The following LDB2 variants were observed in gnomAD, a reference collection of about 807,000 sequenced individuals.
LDB2 encodes the protein LIM domain binding 2, also known as LIM domain-binding protein 2.
In LDB2, 12 loss-of-function variants were observed where a neutral mutation model predicts 44.3. That is an observed-to-expected ratio of 0.27 (90% CI 0.17 to 0.44). LDB2 has a LOEUF of 0.44. LDB2 is among the 20% of genes least tolerant of loss of function. LDB2 has a pLI of 1.00. For synonymous variants in LDB2, 164 were observed against 174.8 expected, an observed-to-expected ratio of 0.94 and a Z score of 0.49; for missense variants, 344 against 473.5, an observed-to-expected ratio of 0.73 and a Z score of 2.54.
rs76720210 is a variant in LDB2 at position 16,796,703 on chromosome 4, A to G, written c.133-37443T>C. 2.0e-3 allele frequency among the ~76,000 whole-genome samples: 305 copies of G among 152,312 alleles called. 5 individuals are homozygous for G. In the East Asian group the frequency reaches 0.04, roughly 20 times the overall value. On this transcript the variant is annotated intron_variant, in intron 1 of 7. Transcript: ENST00000304523. The stretch of plus-strand genomic sequence containing the variant: ...TGGTGGAGAAACCTGACAAATACTA[A>G]GTCAGCCAGGTGATCAAGCTTAACA...
intron 2 of LDB2, among the ~76,000 whole-genome samples, chr4:16,672,770 C>T (rs752447412): frequency 6.6e-6 from 1 of 152,138 alleles, no homozygotes; most frequent in Non-Finnish European, 1.5e-5. Context: ...TGCAGTAACA[C>T]TGAGAGAATG....
intron 5 of LDB2, among the ~76,000 whole-genome samples, chr4:16,583,866 G>C (rs927894444): frequency 2.0e-5 from 3 of 152,054 alleles, no homozygotes; most frequent in Non-Finnish European, 4.4e-5. Flanking sequence ...AGCACGCTTC[G>C]CTGGAACCAC....
intron 5 of LDB2, among the ~76,000 whole-genome samples, chr4:16,554,489 G>A (rs1338185753): frequency 6.6e-6 from 1 of 152,164 alleles, no homozygotes; most frequent in Non-Finnish European, 1.5e-5. Flanking sequence ...TGAAGCCGGA[G>A]TGTTTTTTAA....
At chr4:16,684,000 C>T (rs752582166) in intron 2 of LDB2, among the ~76,000 whole-genome samples, 1 of 152,150 alleles carries the variant, frequency 6.6e-6, no homozygotes, top group Admixed American at 6.5e-5. Context: ...GATCAGAAGA[C>T]CTGCCTAGAT....
At chr4:16,525,367 CAAAGG>C (rs892260777) in intron 5 of LDB2, among the ~76,000 whole-genome samples, 3 of 152,178 alleles carry the variant, frequency 2.0e-5, no homozygotes, top group African/African-American at 4.8e-5. Context: ...TGCTCTGACG[CAAAGG>C]AAAGGAAAGA....
At chr4:16,733,467 T>TA (rs1299270709) in intron 2 of LDB2, among the ~76,000 whole-genome samples, 2 of 152,180 alleles carry the variant, frequency 1.3e-5, no homozygotes, top group African/African-American at 4.8e-5. Context: ...TGTGCACAAA[T>TA]ACAGCCTAGA....
chr4:16,527,467 T>C (rs1373381119), intron 5 of LDB2, among the ~76,000 whole-genome samples: 1 of 152,172 alleles, frequency 6.6e-6, no homozygotes, highest in East Asian at 1.9e-4. Flanking sequence ...GGGAACACTT[T>C]TACACTGCTG....
chr4:16,897,291 G>C (rs911591699), intron 1 of LDB2, among the ~76,000 whole-genome samples: 4 of 152,120 alleles, frequency 2.6e-5, no homozygotes, highest in African/African-American at 9.7e-5. Flanking sequence ...CATAAATCTT[G>C]TGGTATTTAT....
intron 1 of LDB2, among the ~76,000 whole-genome samples, chr4:16,795,798 G>A (rs553707466): frequency 1.2e-4 from 19 of 152,108 alleles, no homozygotes; most frequent in South Asian, 1.0e-3. Context: ...GTCGCTAAAC[G>A]GTACCTATTA....
intron 2 of LDB2, among the ~76,000 whole-genome samples, chr4:16,633,384 T>C (rs1001833700): frequency 7.2e-5 from 11 of 152,074 alleles, no homozygotes; most frequent in Non-Finnish European, 1.3e-4. Flanking sequence ...CATGTATAGC[T>C]ATGTAACAAA....
intron 1 of LDB2, among the ~76,000 whole-genome samples, chr4:16,896,751 C>T (rs1412935668): frequency 6.6e-6 from 1 of 152,114 alleles, no homozygotes; most frequent in Non-Finnish European, 1.5e-5. Context: ...TTTCTATCCT[C>T]CTAATTATGA....
intron 2 of LDB2, among the ~76,000 whole-genome samples, chr4:16,615,321 C>T (rs143246371): frequency 2.0e-4 from 31 of 152,232 alleles, no homozygotes; most frequent in Non-Finnish European, 3.8e-4. Context: ...TTTATTGCAG[C>T]ACTATTTACA....
intron 1 of LDB2, among the ~76,000 whole-genome samples, chr4:16,807,918 T>C (rs563384104): frequency 1.3e-5 from 2 of 152,284 alleles, no homozygotes; most frequent in East Asian, 3.9e-4. Flanking sequence ...ACGGGGAATT[T>C]TCTGTTAGAA....
At chr4:16,559,833 A>C (rs2152375830) in intron 5 of LDB2, among the ~76,000 whole-genome samples, 1 of 152,342 alleles carries the variant, frequency 6.6e-6, no homozygotes, top group South Asian at 2.1e-4. Context: ...TCTCCTCAGC[A>C]AATGTAAAAG....
intron 2 of LDB2, among the ~76,000 whole-genome samples, chr4:16,642,412 C>T (rs1735460284): frequency 3.9e-5 from 6 of 151,950 alleles, no homozygotes; most frequent in Admixed American, 3.9e-4. Flanking sequence ...ACAGGAAATA[C>T]CCATAAAAAC....
At chr4:16,580,135 G>C (rs1477585431) in intron 5 of LDB2, among the ~76,000 whole-genome samples, 2 of 152,186 alleles carry the variant, frequency 1.3e-5, no homozygotes, top group Non-Finnish European at 2.9e-5. Flanking sequence ...CAAAGGCATG[G>C]AGGCAAGAGA....
chr4:16,801,489 G>C (rs941944281), intron 1 of LDB2, among the ~76,000 whole-genome samples: 2 of 152,094 alleles, frequency 1.3e-5, no homozygotes, highest in Non-Finnish European at 2.9e-5. Flanking sequence ...TAAGAAATAC[G>C]GGAAAGAGGG....
chr4:16,562,973 A>T (rs1742966981), intron 5 of LDB2, among the ~76,000 whole-genome samples: 1 of 151,928 alleles, frequency 6.6e-6, no homozygotes, highest in Non-Finnish European at 1.5e-5. Flanking sequence ...AGGACAAAAA[A>T]CCAAACACCG....
chr4:16,663,846 G>A (rs1742281413), intron 2 of LDB2, among the ~76,000 whole-genome samples: 1 of 152,094 alleles, frequency 6.6e-6, no homozygotes, highest in Non-Finnish European at 1.5e-5. Flanking sequence ...AAATTCTCAG[G>A]CAATTCCAAT....
Sources: allele counts gnomAD v4.1 joint callset (sites outside exome capture counted in the v4.1 genomes callset), GRCh38; gene constraint gnomAD v4.1.1; transcripts MANE v1.5; gene names NCBI Gene and HGNC (gene_info 2026-07-23, HGNC 2026-07-21).